MCUB: variants seen among roughly 807,000 people sequenced by gnomAD.
MCUB encodes calcium uniporter regulatory subunit MCUb, mitochondrial.
MCUB carries 46 observed loss-of-function variants against 41.4 expected under a neutral mutation model. The ratio of observed to expected loss-of-function variants is 1.11; its 90% CI spans 0.88 to 1.42. The LOEUF (loss-of-function observed/expected upper bound fraction) is 1.42, where lower values mean the gene tolerates loss of function less well. Among genes scored for constraint, MCUB ranks in the 40% most tolerant of loss-of-function variants. The pLI, the probability that MCUB is intolerant of heterozygous loss-of-function variation, is 0.00. For missense variants in MCUB, 403 were observed against 404.9 expected (o/e 1.00, Z 0.04); for synonymous variants, 148 against 148.2 (o/e 1.00, Z 0.01).
At chr4:109,587,221 C>T (rs755749037) in intron 1 of MCUB, among the ~76,000 whole-genome samples, 2 of 152,344 alleles carry the variant, frequency 1.3e-5, no homozygotes, top group South Asian at 2.1e-4. Flanking sequence ...CAGACTGCTG[C>T]GCTAGCAGTG....
At chr4:109,582,428 A>G (rs996427075) in intron 1 of MCUB, among the ~76,000 whole-genome samples, 29 of 151,206 alleles carry the variant, frequency 1.9e-4, no homozygotes, top group African/African-American at 6.8e-4. Flanking sequence ...CCTAATGTAA[A>G]TGATGAGTAA....
chr4:109,571,887 G>C (rs886825845), intron 1 of MCUB, among the ~76,000 whole-genome samples: 2 of 152,242 alleles, frequency 1.3e-5, no homozygotes, highest in African/African-American at 4.8e-5. Flanking sequence ...CTTCAAGAAG[G>C]CTGAGATATG....
chr4:109,670,711 T>A (rs2126147681), intron 4 of MCUB, among the ~76,000 whole-genome samples: 1 of 150,356 alleles, frequency 6.7e-6, no homozygotes, highest in South Asian at 2.1e-4. Flanking sequence ...GCGAGGAGAC[T>A]CTGTCTCCAA....
chr4:109,581,550 A>G (rs1021910147), intron 1 of MCUB, among the ~76,000 whole-genome samples: 3 of 151,934 alleles, frequency 2.0e-5, no homozygotes, highest in Non-Finnish European at 4.4e-5. Flanking sequence ...ATTAAACTAA[A>G]GAGCTTCTGC....
At chr4:109,625,467 T>C (rs985413080) in intron 1 of MCUB, among the ~76,000 whole-genome samples, 9 of 152,240 alleles carry the variant, frequency 5.9e-5, no homozygotes, top group African/African-American at 2.2e-4. Context: ...TTCAACACTT[T>C]ATTATAAAAT....
At chr4:109,647,119 C>G (rs1728857158) in intron 1 of MCUB, among the ~76,000 whole-genome samples, 1 of 152,148 alleles carries the variant, frequency 6.6e-6, no homozygotes, top group Admixed American at 6.6e-5. Context: ...ACTTCCTCAG[C>G]CTCTGGTGTT....
At chr4:109,656,651 AG>A (rs1428392855) in intron 1 of MCUB, among the ~76,000 whole-genome samples, 2 of 152,062 alleles carry the variant, frequency 1.3e-5, no homozygotes, top group African/African-American at 4.8e-5. Context: ...GATTATAGGC[AG>A]GAGCCATCAC....
chr4:109,577,068 T>G lies in MCUB; in HGVS notation c.99+16632T>G, dbSNP rs1465635500. 5.3e-5 allele frequency among the ~76,000 whole-genome samples: 8 copies of G among 152,330 alleles called. No individual in the cohort carries two copies. The East Asian group carries it at 1.5e-3, about 29-fold the overall frequency. On this transcript the variant is annotated intron_variant, in intron 1 of 7. Coordinates refer to ENST00000394650, the MANE Select transcript of MCUB (RefSeq NM_017918.5). ...GGTTTCGCCATGTGGGCCAGGCTGG[T>G]CTTGAACTTCTTACCTCAAGTGATC...
chr4:109,643,958 G>A (rs1313944648), intron 1 of MCUB, among the ~76,000 whole-genome samples: 1 of 152,110 alleles, frequency 6.6e-6, no homozygotes, highest in Non-Finnish European at 1.5e-5. Flanking sequence ...GTTAAAACGA[G>A]TAAAAAAATG....
intron 4 of MCUB, among the ~76,000 whole-genome samples, chr4:109,673,642 A>T (rs570753835): frequency 1.8e-4 from 28 of 152,382 alleles, no homozygotes; most frequent in Admixed American, 7.8e-4. Context: ...TGGAGTTTTC[A>T]AAAAAGTTAT....
intron 3 of MCUB, among the ~76,000 whole-genome samples, chr4:109,662,528 C>T (rs1230129041): frequency 2.6e-5 from 4 of 152,170 alleles, no homozygotes; most frequent in African/African-American, 9.7e-5. Context: ...GAATAGAAGT[C>T]TTAGAGAAAA....
intron 1 of MCUB, among the ~76,000 whole-genome samples, chr4:109,585,078 G>A (rs780024116): frequency 3.9e-5 from 6 of 152,166 alleles, no homozygotes; most frequent in Admixed American, 1.3e-4. Context: ...TTGTATGGGA[G>A]TCTAAGTCTC....
intron 4 of MCUB, among the ~76,000 whole-genome samples, chr4:109,681,147 C>T (rs1729706354): frequency 6.6e-6 from 1 of 152,092 alleles, no homozygotes; most frequent in Non-Finnish European, 1.5e-5. Flanking sequence ...GTGTATATTC[C>T]ATAGACACAT....
intron 1 of MCUB, among the ~76,000 whole-genome samples, chr4:109,596,936 TAAC>T: frequency 6.6e-6 from 1 of 151,964 alleles, no homozygotes; most frequent in East Asian, 1.9e-4. Context: ...TGACGACTCT[TAAC>T]AAGCATGCTG....
At chr4:109,618,156 G>A (rs979729262) in intron 1 of MCUB, among the ~76,000 whole-genome samples, 1 of 152,154 alleles carries the variant, frequency 6.6e-6, no homozygotes, top group Non-Finnish European at 1.5e-5. Flanking sequence ...ACAGGAACTC[G>A]GGAGTTTGCT....
intron 6 of MCUB, 78 bp from the exon 7 acceptor site, chr4:109,685,173 G>A (rs1368419438): frequency 4.5e-6 from 3 of 669,784 alleles, no homozygotes; most frequent in Non-Finnish European, 8.0e-6. Context: ...TGGTGTTGCT[G>A]AGTCAAGTAT....
chr4:109,671,041 T>G (rs1000495917), intron 4 of MCUB, among the ~76,000 whole-genome samples: 3 of 152,210 alleles, frequency 2.0e-5, no homozygotes, highest in Non-Finnish European at 4.4e-5. Flanking sequence ...ATTGTCTGTA[T>G]TTATCTATCT....
At chr4:109,599,625 G>A (rs1390590346) in intron 1 of MCUB, among the ~76,000 whole-genome samples, 1 of 152,006 alleles carries the variant, frequency 6.6e-6, no homozygotes, top group Non-Finnish European at 1.5e-5. Context: ...AGAAAACTAG[G>A]CTGTGCTGGC....
intron 4 of MCUB, 56 bp from the exon 5 acceptor site, chr4:109,682,526 C>T: frequency 7.0e-7 from 1 of 1,434,868 alleles, no homozygotes; most frequent in Non-Finnish European, 9.5e-7. Flanking sequence ...GAAAGATTTA[C>T]ACACCCTGCG....
Sources: gnomAD v4.1 joint callset for allele counts (sites outside exome capture counted in the v4.1 genomes callset) on GRCh38, gnomAD v4.1.1 for gene constraint, MANE v1.5 for transcripts, NCBI Gene and HGNC (gene_info 2026-07-23, HGNC 2026-07-21) for gene names.